Variants in SNAP25 observed in about 807,000 individuals in gnomAD.
SNAP25 encodes synaptosome associated protein 25.
In SNAP25, 3 loss-of-function variants were observed where a neutral mutation model predicts 28.7. The ratio of observed to expected loss-of-function variants is 0.10; its 90% CI spans 0.05 to 0.27. The LOEUF is 0.27. Among genes scored for constraint, SNAP25 ranks in the 10% least tolerant of loss-of-function variants. The pLI is 1.00. For missense variants in SNAP25, 117 were observed against 278.7 expected, an observed-to-expected ratio of 0.42 and a Z score of 4.13; for synonymous variants, 61 against 88.1, an observed-to-expected ratio of 0.69 and a Z score of 1.72.
At chr20:10,288,951 T>C (rs1241361533) in intron 4 of SNAP25, among the ~76,000 whole-genome samples, 1 of 152,170 alleles carries the variant, frequency 6.6e-6, no homozygotes, top group Non-Finnish European at 1.5e-5. Context: ...TTTAGATCAG[T>C]AACTGCTTTG....
chr20:10,252,418 G>T (rs1163882462), intron 1 of SNAP25, among the ~76,000 whole-genome samples: 1 of 152,178 alleles, frequency 6.6e-6, no homozygotes, highest in Admixed American at 6.5e-5. Context: ...TATATCATTT[G>T]CTTCTTTACT....
intron 1 of SNAP25, among the ~76,000 whole-genome samples, chr20:10,250,909 G>A (rs2122805289): frequency 6.6e-6 from 1 of 152,288 alleles, no homozygotes; most frequent in South Asian, 2.1e-4. Flanking sequence ...TGTAGCCTGG[G>A]AGCAATAGGC....
rs143720011 is a variant in SNAP25, at chr20:10,297,879, GAAT to G, written c.407+833_407+835del. Among the ~76,000 whole-genome samples the G allele has an allele frequency of 1.2e-3, 188 of 151,972 alleles. 1 individual carries two copies. The highest frequency in any genetic ancestry group is 4.2e-3 in the African/African-American group (174 of 41,424). ...AGAACGGATTTGGAGTGAAAATAGA[GAAT>G]AATGAGCTTCTTATTAATGATTTAT... is the stretch of plus-strand genomic sequence containing the variant. On this transcript the variant is annotated intron_variant, in intron 6 of 7. Transcript: ENST00000254976.
chr20:10,269,491 T>C (rs865860843), intron 1 of SNAP25, among the ~76,000 whole-genome samples: 1 of 152,188 alleles, frequency 6.6e-6, no homozygotes, highest in East Asian at 1.9e-4. Context: ...CAGACACATA[T>C]GAACAGAAAA....
intron 1 of SNAP25, among the ~76,000 whole-genome samples, chr20:10,250,986 G>A (rs1485657598): frequency 1.3e-5 from 2 of 152,148 alleles, no homozygotes; most frequent in Non-Finnish European, 2.9e-5. Context: ...ACACTATGAT[G>A]TTTACACAAC....
intron 1 of SNAP25, among the ~76,000 whole-genome samples, chr20:10,275,069 T>TTAAATAAATAAATAAA (rs377525248): frequency 1.1e-4 from 14 of 131,976 alleles, no homozygotes; most frequent in East Asian, 6.3e-4. Context: ...ATAGAGCTAT[T>TTAAATAAATAAATAAA]TAAATAAATA....
Position 10,306,409 on chromosome 20 carries a change from G to T in SNAP25, c.*212G>T. On this transcript the variant is annotated 3_prime_UTR_variant, in exon 8 of 8. Transcript: ENST00000254976. Reference sequence around the variant, plus strand: ...TTTCTTTCCAAAGGTTGTACATAGTGGTCATTTGGTGGCTCTAACTCCTTG... The same window carrying T: ...TTTCTTTCCAAAGGTTGTACATAGTTGTCATTTGGTGGCTCTAACTCCTTG... 8 of 447,756 alleles carry T rather than the reference G, an allele frequency of 1.8e-5. No homozygotes were observed. The highest frequency in any genetic ancestry group is 5.9e-4 in the Middle Eastern group (1 of 1,700). The allele number at this position is 447,756 out of a possible 1,614,324, so 27.7% of individuals were successfully genotyped here.
intron 7 of SNAP25, among the ~76,000 whole-genome samples, chr20:10,304,044 C>T (rs1052613459): frequency 6.6e-6 from 1 of 152,172 alleles, no homozygotes; most frequent in Non-Finnish European, 1.5e-5. Context: ...ATGAGCCCTT[C>T]GTTTTGCAAA....
chr20:10,275,069 T>TAAAATAAA (rs1555791825), intron 1 of SNAP25, among the ~76,000 whole-genome samples: 134 of 131,976 alleles, frequency 1.0e-3, no homozygotes, highest in African/African-American at 3.6e-3. Context: ...ATAGAGCTAT[T>TAAAATAAA]TAAATAAATA....
intron 1 of SNAP25, among the ~76,000 whole-genome samples, chr20:10,258,915 A>G (rs1361741055): frequency 2.6e-5 from 4 of 152,198 alleles, no homozygotes; most frequent in Non-Finnish European, 4.4e-5. Context: ...GATCTATAAA[A>G]TTCTAGAATA....
chr20:10,249,123 G>A (rs773073232), intron 1 of SNAP25, among the ~76,000 whole-genome samples: 12 of 152,182 alleles, frequency 7.9e-5, no homozygotes, highest in African/African-American at 2.2e-4. Flanking sequence ...TTGATAGCTC[G>A]TGCCTTTCTT....
rs1051312 is a variant in SNAP25 at position 10,306,440 on chromosome 20, T to C, written c.*243T>C. 0.21 allele frequency: 80,023 copies of C among 380,482 alleles called. 9,784 individuals are homozygous for C. The highest frequency in any genetic ancestry group is 0.26 in the Middle Eastern group (379 of 1,452). 23.6% of individuals were successfully genotyped at this position (380,482 alleles called of 1,614,324 possible). On this transcript the variant is annotated 3_prime_UTR_variant, in exon 8 of 8. Transcript: ENST00000254976. ...TTGGTGGCTCTAACTCCTTGAGGTCTTGAGTTTCATTTTTCATTTTCTCTC... is the reference window on the plus strand; with the variant it reads ...TTGGTGGCTCTAACTCCTTGAGGTCCTGAGTTTCATTTTTCATTTTCTCTC...
intron 3 of SNAP25, among the ~76,000 whole-genome samples, chr20:10,281,177 C>T (rs893980661): frequency 2.6e-5 from 4 of 152,058 alleles, no homozygotes; most frequent in East Asian, 1.9e-4. Flanking sequence ...TTTAGGTAGG[C>T]GATTTTCCCA....
intron 1 of SNAP25, among the ~76,000 whole-genome samples, chr20:10,271,508 G>T (rs1478197444): frequency 6.6e-6 from 1 of 152,214 alleles, no homozygotes; most frequent in East Asian, 1.9e-4. Context: ...GGACAAAGGT[G>T]TGGGAGTTCC....
At chr20:10,298,154 T>G (rs955895434) in intron 6 of SNAP25, among the ~76,000 whole-genome samples, 4 of 152,104 alleles carry the variant, frequency 2.6e-5, no homozygotes, top group Admixed American at 6.5e-5. Context: ...CCACACCAAT[T>G]GAACCAGAAT....
At position 10,306,337 on chromosome 20, in the gene SNAP25, G is replaced by C; in HGVS notation, c.*140G>C. On this transcript the variant is annotated 3_prime_UTR_variant, in exon 8 of 8. Transcript: ENST00000254976. ...TTGTGAATGTTGTCCTGTGTCATCT[G>C]TCAGCTTCCCAACAATACTTTGTGT... is the stretch of plus-strand genomic sequence containing the variant. The C allele has an allele frequency of 2.9e-6, 2 of 682,192 alleles. No individual in the cohort carries two copies. The highest frequency in any genetic ancestry group is 2.5e-5 in the Admixed American group (1 of 40,670). 42.3% of individuals were successfully genotyped at this position (682,192 alleles called of 1,614,324 possible). A position where few individuals can be genotyped will look rare whatever the true frequency, so the allele number is the denominator to read the frequency against.
At chr20:10,238,930 A>G (rs944779124) in intron 1 of SNAP25, among the ~76,000 whole-genome samples, 1 of 151,828 alleles carries the variant, frequency 6.6e-6, no homozygotes, top group Non-Finnish European at 1.5e-5. Flanking sequence ...TAATAATAAT[A>G]TCAATAAAGC....
intron 1 of SNAP25, among the ~76,000 whole-genome samples, chr20:10,257,331 G>A (rs1361443136): frequency 6.6e-6 from 1 of 152,204 alleles, no homozygotes; most frequent in African/African-American, 2.4e-5. Context: ...AACACTTTGG[G>A]AAGTTGAGGC....
At chr20:10,225,304 C>T (rs965591418) in intron 1 of SNAP25, among the ~76,000 whole-genome samples, 1 of 151,588 alleles carries the variant, frequency 6.6e-6, no homozygotes, top group Admixed American at 6.6e-5. Flanking sequence ...CAAGGTAAAA[C>T]ATGGTATCAC....
Sources: allele counts gnomAD v4.1 joint callset (sites outside exome capture counted in the v4.1 genomes callset), GRCh38; gene constraint gnomAD v4.1.1; transcripts MANE v1.5; gene names NCBI Gene and HGNC (gene_info 2026-07-23, HGNC 2026-07-21).